CNOT1: variants seen among roughly 807,000 people sequenced by gnomAD.
CNOT1 encodes CCR4-NOT transcription complex subunit 1.
A neutral mutation model predicts 273.8 loss-of-function variants in CNOT1; 15 were observed. That is an observed-to-expected ratio of 0.05 (90% CI 0.04 to 0.08). CNOT1 has a LOEUF of 0.08. CNOT1 is among the 10% of genes least tolerant of loss of function. The pLI, the probability that CNOT1 is intolerant of heterozygous loss-of-function variation, is 1.00. For synonymous variants in CNOT1, 1,022 were observed against 1,005.5 expected (o/e 1.02, Z -0.31); for missense variants, 1,644 against 2,912.2 (o/e 0.56, Z 10.02).
In CNOT1 at chr16:58,604,187, T is replaced by G. The variant is rs1037479188; in HGVS notation, c.-174-4676A>C. On this transcript the variant is annotated intron_variant, in intron 1 of 48. Transcript: ENST00000317147. ...TGTAAACAGCCTTCCAATAAACCTC[T>G]AGCACTATAATGTGTATACAGAGTT... Among the ~76,000 whole-genome samples the G allele has an allele frequency of 4.6e-5, 7 of 152,290 alleles. No homozygotes were observed. The East Asian group carries it at 1.3e-3, about 29-fold the overall frequency.
At chr16:58,567,849 T>C (rs2041111352) in intron 16 of CNOT1, among the ~76,000 whole-genome samples, 1 of 152,214 alleles carries the variant, frequency 6.6e-6, no homozygotes, top group South Asian at 2.1e-4. Context: ...TTAAAACATC[T>C]TCAAAGCCTC....
At chr16:58,590,511 C>T (rs1394740863) in intron 2 of CNOT1, among the ~76,000 whole-genome samples, 1 of 152,096 alleles carries the variant, frequency 6.6e-6, no homozygotes, top group Admixed American at 6.6e-5. Context: ...ATGAGAATCG[C>T]TTGAACCCAG....
intron 1 of CNOT1, among the ~76,000 whole-genome samples, chr16:58,603,208 T>C (rs1339292656): frequency 1.3e-5 from 2 of 152,148 alleles, no homozygotes; most frequent in Non-Finnish European, 1.5e-5. Flanking sequence ...CTCAACATAA[T>C]GTCCAGAGAA....
At chr16:58,560,677 A>G (rs1413516555) in intron 16 of CNOT1, among the ~76,000 whole-genome samples, 1 of 152,184 alleles carries the variant, frequency 6.6e-6, no homozygotes, top group Non-Finnish European at 1.5e-5. Context: ...CAGGAGTTTG[A>G]GGCCAACCTG....
intron 1 of CNOT1, among the ~76,000 whole-genome samples, chr16:58,599,832 G>A (rs1005262411): frequency 7.9e-5 from 12 of 152,016 alleles, no homozygotes; most frequent in Admixed American, 6.6e-4. Context: ...TTGCGAGGCC[G>A]AGGCAGGCAG....
At chr16:58,542,655 G>A (rs1259984904) in intron 31 of CNOT1, 87 bp from the exon 32 acceptor site, 8 of 1,528,200 alleles carry the variant, frequency 5.2e-6, no homozygotes, top group Admixed American at 2.1e-5. Flanking sequence ...AGTAGAAAAT[G>A]CAGTGCATTT....
In CNOT1 at chr16:58,536,918, A is replaced by G. The variant is rs765141258; in HGVS notation, c.5646+71T>C. The stretch of plus-strand genomic sequence containing the variant: ...GTCTGACCACATGTACGCAATACTG[A>G]GCTTTAATATTGGAGGCATCACACC... On this transcript the variant is annotated intron_variant, in intron 39 of 48. Transcript: ENST00000317147. 18 of 1,572,470 alleles carry G rather than the reference A, an allele frequency of 1.1e-5. 1 individual carries two copies. The South Asian group carries it at 2.2e-4, about 19-fold the overall frequency.
At chr16:58,591,754 C>T (rs1326626344) in intron 2 of CNOT1, among the ~76,000 whole-genome samples, 1 of 144,442 alleles carries the variant, frequency 6.9e-6, no homozygotes, top group South Asian at 2.2e-4. Context: ...AACTCCGTCT[C>T]GAAAAAAAAA....
chr16:58,526,192 T>C, intron 44 of CNOT1, 54 bp from the exon 45 acceptor site: 1 of 1,596,332 alleles, frequency 6.3e-7, no homozygotes, highest in Non-Finnish European at 8.6e-7. Flanking sequence ...ATTAGTAAAT[T>C]ACATCTATGC....
intron 1 of CNOT1, among the ~76,000 whole-genome samples, chr16:58,612,160 G>A (rs2152035721): frequency 6.6e-6 from 1 of 152,186 alleles, no homozygotes; most frequent in South Asian, 2.1e-4. Context: ...AAGGCAGTTT[G>A]GTTTCCCACA....
rs1449521994 is a variant in CNOT1 at position 58,580,733 on chromosome 16, T to G, written c.1243A>C (p.Asn415His). Residue 415 changes from asparagine to histidine, a missense_variant, in exon 12 of 49, where the codon AAT becomes CAT. Coordinates refer to ENST00000317147, the MANE Select transcript of CNOT1 (RefSeq NM_016284.5). The stretch of plus-strand genomic sequence containing the variant: ...TCAGCAAAACAGAAGATCTCTGGAT[T>G]TATAAGGGAATGTTGAATGAAGGAG... Reference protein sequence around the residue: ...QLSFIQHSLINPEIFCFADYP... With the variant: ...QLSFIQHSLIHPEIFCFADYP... 1 of 1,612,512 alleles carries G rather than the reference T, an allele frequency of 6.2e-7. No individual in the cohort carries two copies. Among genetic ancestry groups the G allele is most frequent in the African/African-American group, 1.3e-5 (1 of 74,994 alleles).
chr16:58,530,204 G>C, intron 43 of CNOT1, 42 bp downstream of exon 43: 1 of 1,477,170 alleles, frequency 6.8e-7, no homozygotes, highest in Non-Finnish European at 9.3e-7. Context: ...ATTTTCTTAA[G>C]ATCTCAGTTA....
chr16:58,619,017 A>C (rs1597614245), intron 1 of CNOT1, among the ~76,000 whole-genome samples: 1 of 151,912 alleles, frequency 6.6e-6, no homozygotes, highest in South Asian at 2.1e-4. Flanking sequence ...ACATAGTGAG[A>C]CCCCCATCAC....
At chr16:58,601,530 T>C (rs932354250) in intron 1 of CNOT1, among the ~76,000 whole-genome samples, 2 of 152,128 alleles carry the variant, frequency 1.3e-5, no homozygotes, top group African/African-American at 4.8e-5. Context: ...AAACTCACCA[T>C]GTAAGATGCA....
chr16:58,604,208 G>C (rs1319251602), intron 1 of CNOT1, among the ~76,000 whole-genome samples: 3 of 152,160 alleles, frequency 2.0e-5, no homozygotes, highest in African/African-American at 4.8e-5. Context: ...TGTGTATACA[G>C]AGTTTGGGTC....
rs186662380 is a variant in CNOT1, at chr16:58,536,905, G to A, written c.5646+84C>T. On this transcript the variant is annotated intron_variant, in intron 39 of 48. Transcript: ENST00000317147. ...TATGGAGGTAACTGTCTGACCACAT[G>A]TACGCAATACTGAGCTTTAATATTG... 1.6e-3 allele frequency: 2,411 copies of A among 1,540,576 alleles called. 16 individuals are homozygous for A. Among genetic ancestry groups the A allele is most frequent in the Non-Finnish European group, 1.1e-3 (1,259 of 1,143,814 alleles).
chr16:58,562,832 A>C (rs973969460), intron 16 of CNOT1, among the ~76,000 whole-genome samples: 1 of 152,142 alleles, frequency 6.6e-6, no homozygotes, highest in African/African-American at 2.4e-5. Context: ...TAAACAACAA[A>C]AAAAAGCAGT....
Position 58,538,754 on chromosome 16 carries a change from T to C in CNOT1, c.5135+18A>G. 1.2e-6 allele frequency: 2 copies of C among 1,610,584 alleles called. No individual in the cohort carries two copies. Among genetic ancestry groups the C allele is most frequent in the Non-Finnish European group, 8.5e-7 (1 of 1,179,928 alleles). ...GTCGCAGTCCAATACTCACTACTTT[T>C]CGAAGATGGCTACTGACCTTGTGAT... On this transcript the variant is annotated intron_variant, in intron 36 of 48. Transcript: ENST00000317147.
intron 40 of CNOT1, 50 bp from the exon 41 acceptor site, chr16:58,532,445 A>G: frequency 6.3e-7 from 1 of 1,587,390 alleles, no homozygotes; most frequent in South Asian, 1.1e-5. Flanking sequence ...TAATCCACTC[A>G]CCACTTCGAT....
Sources: gnomAD v4.1 joint callset for allele counts (sites outside exome capture counted in the v4.1 genomes callset) on GRCh38, gnomAD v4.1.1 for gene constraint, MANE v1.5 for transcripts, NCBI Gene and HGNC (gene_info 2026-07-23, HGNC 2026-07-21) for gene names.